Variants in SLC24A2 observed in about 807,000 individuals in gnomAD.
SLC24A2 encodes solute carrier family 24 member 2.
SLC24A2 carries 36 observed loss-of-function variants against 62.0 expected under a neutral mutation model. The ratio of observed to expected loss-of-function variants is 0.58; its 90% CI spans 0.44 to 0.77. The LOEUF (loss-of-function observed/expected upper bound fraction) is 0.77, where lower values mean the gene tolerates loss of function less well. Ranked by LOEUF, SLC24A2 falls within the 30% of genes least tolerant of loss-of-function variation. The probability of loss-of-function intolerance (pLI) is 0.00; values close to 1 mark genes in which losing one functional copy is unlikely to be tolerated. For synonymous variants in SLC24A2, 358 were observed against 294.0 expected (o/e 1.22, Z -2.23); for missense variants, 846 against 817.9 (o/e 1.03, Z -0.42).
At chr9:20,302,341 C>A in the SLC24A2 span, among the ~76,000 whole-genome samples, 6 of 152,188 alleles carry the variant, frequency 3.9e-5, no homozygotes, top group Admixed American at 6.5e-5. Flanking sequence ...ATATTTTGCA[C>A]CCACACCAGC....
At chr9:19,921,087 G>A in the SLC24A2 span, among the ~76,000 whole-genome samples, 1 of 147,430 alleles carries the variant, frequency 6.8e-6, no homozygotes, top group African/African-American at 2.5e-5. Flanking sequence ...ATGGGGGGGG[G>A]GTGTTCCAAA....
chr9:20,100,554 G>GAATGGA, the SLC24A2 span, among the ~76,000 whole-genome samples: 15 of 152,340 alleles, frequency 9.8e-5, no homozygotes, highest in African/African-American at 3.6e-4. Context: ...TTAAGTTCAT[G>GAATGGA]AAGATGGAAG....
chr9:19,849,921 C>G, the SLC24A2 span, among the ~76,000 whole-genome samples: 2 of 152,072 alleles, frequency 1.3e-5, no homozygotes, highest in Non-Finnish European at 2.9e-5. Context: ...GTAAAAAGAA[C>G]TGATACATGT....
chr9:19,637,746 T>C (rs1818396085), intron 2 of SLC24A2, among the ~76,000 whole-genome samples: 1 of 152,202 alleles, frequency 6.6e-6, no homozygotes, highest in Admixed American at 6.5e-5. Context: ...AGCAACCGGA[T>C]GGTGTAAAGA....
chr9:19,563,835 TCCC>T (rs1835535737), intron 7 of SLC24A2, among the ~76,000 whole-genome samples: 4 of 77,084 alleles, frequency 5.2e-5, no homozygotes, highest in East Asian at 4.7e-4. Context: ...CCTCCCTCCC[TCCC>T]TCCCTCCCTC....
intron 8 of SLC24A2, among the ~76,000 whole-genome samples, chr9:19,549,068 G>A (rs530997064): frequency 1.3e-5 from 2 of 152,242 alleles, no homozygotes; most frequent in African/African-American, 4.8e-5. Context: ...CTCTTGATTT[G>A]GTCTATACTC....
the SLC24A2 span, among the ~76,000 whole-genome samples, chr9:19,930,246 A>G: frequency 6.6e-6 from 1 of 152,316 alleles, no homozygotes; most frequent in South Asian, 2.1e-4. Context: ...TTCATGCCCC[A>G]TACAGGTATA....
At chr9:19,934,820 G>T in the SLC24A2 span, among the ~76,000 whole-genome samples, 1 of 152,084 alleles carries the variant, frequency 6.6e-6, no homozygotes, top group Non-Finnish European at 1.5e-5. This position sits in a 1 kb window ranked among gnomAD's most constrained non-coding sequence, Gnocchi z 4.1. Flanking sequence ...GGGCAAGCGT[G>T]GCGAGTCCGT....
intron 2 of SLC24A2, among the ~76,000 whole-genome samples, chr9:19,624,065 T>G (rs1461443382): frequency 2.0e-5 from 3 of 152,220 alleles, no homozygotes; most frequent in Non-Finnish European, 4.4e-5. Flanking sequence ...TGAACGGCAC[T>G]GTATGATCCT....
chr9:20,260,849 C>CTTTTTTTTTTTTT, the SLC24A2 span, among the ~76,000 whole-genome samples: 3 of 90,282 alleles, frequency 3.3e-5, no homozygotes, highest in South Asian at 5.3e-4. Flanking sequence ...ATCATTCTTT[C>CTTTTTTTTTTTTT]TTTTTTTTTT....
At chr9:19,756,903 C>CTTTTTTTTTTTTTTT (rs780450451) in intron 2 of SLC24A2, among the ~76,000 whole-genome samples, 4 of 78,522 alleles carry the variant, frequency 5.1e-5, no homozygotes, top group Non-Finnish European at 6.7e-5. Flanking sequence ...TTTACTGAAG[C>CTTTTTTTTTTTTTTT]TTTTTTTTTT....
rs567452790 is a variant in SLC24A2, at chr9:19,566,973, G to A, written c.1347+6378C>T. Among the ~76,000 whole-genome samples, 92 of 151,772 alleles carry A rather than the reference G, an allele frequency of 6.1e-4. 2 individuals are homozygous for A. The highest frequency in any genetic ancestry group is 1.0e-3 in the Non-Finnish European group (69 of 67,964). ...CGGGGCCTGTTGTGGGGTGGGGGAG[G>A]GGGGATGGAAAGCATTAGGAGATAT... On this transcript the variant is annotated intron_variant, in intron 7 of 10. Coordinates refer to ENST00000341998, the MANE Select transcript of SLC24A2 (RefSeq NM_020344.4).
At chr9:19,847,934 C>T in the SLC24A2 span, among the ~76,000 whole-genome samples, 2 of 152,154 alleles carry the variant, frequency 1.3e-5, no homozygotes, top group African/African-American at 2.4e-5. Context: ...CTCTCAGCCT[C>T]GGATGGCGGC....
chr9:19,988,316 C>T, the SLC24A2 span, among the ~76,000 whole-genome samples: 2 of 152,298 alleles, frequency 1.3e-5, no homozygotes, highest in African/African-American at 4.8e-5. Context: ...GGAACAGACA[C>T]AGGCTTTTTC....
the SLC24A2 span, among the ~76,000 whole-genome samples, chr9:19,918,140 A>ATGTGTGTGTGTG: frequency 6.8e-6 from 1 of 147,942 alleles, no homozygotes; most frequent in Non-Finnish European, 1.5e-5. Flanking sequence ...AACTGACATT[A>ATGTGTGTGTGTG]TGTGTGTGTG....
chr9:20,280,482 G>C, the SLC24A2 span, among the ~76,000 whole-genome samples: 1 of 152,188 alleles, frequency 6.6e-6, no homozygotes, highest in Non-Finnish European at 1.5e-5. Flanking sequence ...AGGGAGGTCT[G>C]GGCTGGGCAC....
the SLC24A2 span, among the ~76,000 whole-genome samples, chr9:20,152,321 G>A: frequency 3.9e-5 from 6 of 152,000 alleles, no homozygotes; most frequent in East Asian, 5.8e-4. Context: ...ATAAGGTTTC[G>A]TATTCCTCTG....
chr9:20,273,976 G>A, the SLC24A2 span, among the ~76,000 whole-genome samples: 1 of 152,280 alleles, frequency 6.6e-6, no homozygotes, highest in East Asian at 1.9e-4. Flanking sequence ...TATCAGTCAT[G>A]AGCCTTGTGA....
chr9:20,205,387 AC>A, the SLC24A2 span, among the ~76,000 whole-genome samples: 1 of 152,090 alleles, frequency 6.6e-6, no homozygotes, highest in Non-Finnish European at 1.5e-5. Flanking sequence ...AATGGTTTAC[AC>A]CTGTAATCTC....
Sources: allele counts gnomAD v4.1 joint callset (sites outside exome capture counted in the v4.1 genomes callset), GRCh38; gene constraint gnomAD v4.1.1; non-coding constraint Gnocchi (gnomAD v3.1); transcripts MANE v1.5; gene names NCBI Gene and HGNC (gene_info 2026-07-23, HGNC 2026-07-21).